BCL2L14: variants seen among roughly 807,000 people sequenced by gnomAD.
The protein encoded by BCL2L14 is apoptosis facilitator Bcl-2-like protein 14.
Under a neutral mutation model 35.3 loss-of-function variants are expected in BCL2L14, and 27 were observed. The ratio of observed to expected loss-of-function variants is 0.76; its 90% CI spans 0.56 to 1.05. BCL2L14 has a LOEUF of 1.05. BCL2L14 is among the 50% of genes least tolerant of loss of function. The pLI is 0.00. For missense variants in BCL2L14, 377 were observed against 382.6 expected, an observed-to-expected ratio of 0.99 and a Z score of 0.12; for synonymous variants, 139 against 145.9, an observed-to-expected ratio of 0.95 and a Z score of 0.34.
At chr12:12,097,076 C>T (rs774615629) in intron 5 of BCL2L14, among the ~76,000 whole-genome samples, 7 of 152,024 alleles carry the variant, frequency 4.6e-5, no homozygotes, top group Non-Finnish European at 8.8e-5. Context: ...ACCTGGGAGG[C>T]GGAGCTTGCA....
intron 3 of BCL2L14, among the ~76,000 whole-genome samples, chr12:12,087,816 C>A (rs1949081554): frequency 6.6e-6 from 1 of 152,148 alleles, no homozygotes; most frequent in Non-Finnish European, 1.5e-5. Context: ...TGTCAGGCAC[C>A]AGCTATGGTG....
chr12:12,054,600 C>A (rs1256438350), intron 2 of BCL2L14: 1 of 151,802 alleles, frequency 6.6e-6, no homozygotes, highest in Non-Finnish European at 1.5e-5. Flanking sequence ...TATCTATGTT[C>A]TCTGCAGCGT....
chr12:12,065,616 G>A (rs1166888533), intron 2 of BCL2L14, among the ~76,000 whole-genome samples: 1 of 151,840 alleles, frequency 6.6e-6, no homozygotes, highest in Middle Eastern at 3.2e-3. Flanking sequence ...CTGTGGGAAG[G>A]TAAGTAGATG....
At position 12,094,610 on chromosome 12, in the gene BCL2L14, G is replaced by C. The variant is rs778563211; in HGVS notation, c.679-54G>C. 19 of 1,614,064 alleles carry C rather than the reference G, an allele frequency of 1.2e-5. No individual in the cohort carries two copies. In the South Asian group the frequency reaches 1.9e-4, roughly 16 times the overall value. ...CATTTGAGCTAAAGAATGAACTTCT[G>C]TCTGCCTCGTGGAGCCAAGCTACTG... On this transcript the variant is annotated intron_variant, in intron 4 of 5. Coordinates refer to ENST00000308721, the MANE Select transcript of BCL2L14 (RefSeq NM_138723.2).
intron 4 of BCL2L14, among the ~76,000 whole-genome samples, chr12:12,093,669 A>C (rs1308892489): frequency 2.6e-5 from 4 of 151,726 alleles, no homozygotes; most frequent in Non-Finnish European, 4.4e-5. Context: ...GGTGTGTGCC[A>C]GTAATCCCAG....
intron 4 of BCL2L14, among the ~76,000 whole-genome samples, chr12:12,091,313 G>A (rs2136775009): frequency 6.6e-6 from 1 of 152,334 alleles, no homozygotes; most frequent in South Asian, 2.1e-4. Flanking sequence ...TCTCTTAGCA[G>A]TTCAGCCAGG....
intron 1 of BCL2L14, among the ~76,000 whole-genome samples, chr12:12,050,326 G>T (rs1379743991): frequency 2.6e-5 from 4 of 151,668 alleles, no homozygotes; most frequent in Admixed American, 6.6e-5. Context: ...CCAGCTACTC[G>T]GGAGGCTGAG....
At position 12,098,111 on chromosome 12, in the gene BCL2L14, T is replaced by A. The variant is rs140112305; in HGVS notation, c.946-839T>A. ...TATGAGCTGATATGAGCTATGGAAG[T>A]GTGAAGGACATGTGGATTGGGGCGT... On this transcript the variant is annotated intron_variant, in intron 5 of 5. Transcript: ENST00000308721. 5.4e-3 allele frequency among the ~76,000 whole-genome samples: 827 copies of A among 152,104 alleles called. 4 individuals are homozygous for A. Among genetic ancestry groups the A allele is most frequent in the African/African-American group, 0.018 (756 of 41,512 alleles).
chr12:12,091,354 T>C (rs1474961153), intron 4 of BCL2L14, among the ~76,000 whole-genome samples: 1 of 152,210 alleles, frequency 6.6e-6, no homozygotes, highest in Non-Finnish European at 1.5e-5. Flanking sequence ...GGAGAATGTA[T>C]GGATTTCCTG....
intron 2 of BCL2L14, chr12:12,054,724 G>C (rs2136707182): frequency 6.6e-6 from 1 of 152,154 alleles, no homozygotes; most frequent in Middle Eastern, 3.4e-3. Flanking sequence ...GCCGAGGCGG[G>C]CAGATCATGA....
At chr12:12,065,217 A>G (rs1420570221) in intron 2 of BCL2L14, among the ~76,000 whole-genome samples, 2 of 152,196 alleles carry the variant, frequency 1.3e-5, no homozygotes, top group African/African-American at 4.8e-5. Flanking sequence ...CACCTTTTAA[A>G]AAAATATAAA....
chr12:12,055,520 G>C (rs941726416), intron 2 of BCL2L14: 1 of 152,220 alleles, frequency 6.6e-6, no homozygotes, highest in African/African-American at 2.4e-5. Flanking sequence ...TGCTGAAACA[G>C]TGCAAGCCAC....
chr12:12,092,950 T>G (rs1369766176), intron 4 of BCL2L14, among the ~76,000 whole-genome samples: 1 of 152,196 alleles, frequency 6.6e-6, no homozygotes, highest in Non-Finnish European at 1.5e-5. Context: ...AATAAATATT[T>G]TGTCCCTGCT....
chr12:12,098,225 C>T (rs754296294), intron 5 of BCL2L14, among the ~76,000 whole-genome samples: 7 of 152,148 alleles, frequency 4.6e-5, no homozygotes, highest in Non-Finnish European at 1.0e-4. Context: ...CTCGATGGCT[C>T]TCTCTGCTGT....
intron 2 of BCL2L14, among the ~76,000 whole-genome samples, chr12:12,057,947 CTTTT>C (rs71057796): frequency 0.47 from 65,188 of 139,792 alleles, 15,800 homozygotes; most frequent in East Asian, 0.76. Context: ...GTGTGTTTGT[CTTTT>C]TTTTTTTTTT....
At chr12:12,087,069 A>G in intron 2 of BCL2L14, 144 bp from the exon 3 acceptor site, 1 of 891,456 alleles carries the variant, frequency 1.1e-6, no homozygotes, top group East Asian at 2.5e-5. Flanking sequence ...TCCTTTCTGA[A>G]GAATGACCCT....
rs191007534 is a variant in BCL2L14 at position 12,086,100 on chromosome 12, G to A, written c.434-1113G>A. 6.7e-3 allele frequency among the ~76,000 whole-genome samples: 1,015 copies of A among 152,192 alleles called. 5 individuals are homozygous for A. The highest frequency in any genetic ancestry group is 0.024 in the Middle Eastern group (7 of 294). ...AGGCTGATGTGGGAGGATTGCTTGC[G>A]CTTAGGAGTTCAAGAACAACCTGGG... On this transcript the variant is annotated intron_variant, in intron 2 of 5. Transcript: ENST00000308721.
At chr12:12,085,127 G>A (rs1949015581) in intron 2 of BCL2L14, among the ~76,000 whole-genome samples, 1 of 150,106 alleles carries the variant, frequency 6.7e-6, no homozygotes, top group South Asian at 2.1e-4. Context: ...TACACAGTTA[G>A]CCAGATTGAG....
rs894934771 is a variant in BCL2L14 at position 12,073,258 on chromosome 12, T to C, written c.-8+2121T>C. On this transcript the variant is annotated intron_variant, in intron 1 of 5. Transcript: ENST00000308721. ...TTGCTCCCTGCTCTCCAGGCTCTTG[T>C]GGCGGAGGCCCCCGCTCCCTCCGCT... Among the ~76,000 whole-genome samples, 5 of 152,222 alleles carry C rather than the reference T, an allele frequency of 3.3e-5. 1 individual carries two copies. The highest frequency in any genetic ancestry group is 4.8e-5 in the African/African-American group (2 of 41,462).
Sources: gnomAD v4.1 joint callset for allele counts (sites outside exome capture counted in the v4.1 genomes callset) on GRCh38, gnomAD v4.1.1 for gene constraint, MANE v1.5 for transcripts, NCBI Gene and HGNC (gene_info 2026-07-23, HGNC 2026-07-21) for gene names.